The following ATF7IP variants were observed in gnomAD, a reference collection of about 807,000 sequenced individuals.
ATF7IP encodes the protein activating transcription factor 7-interacting protein 1.
A neutral mutation model predicts 106.4 loss-of-function variants in ATF7IP; 23 were observed. The ratio of observed to expected loss-of-function variants is 0.22; its 90% CI spans 0.16 to 0.31. The LOEUF is 0.31. Ranked by LOEUF, ATF7IP falls within the 10% of genes least tolerant of loss-of-function variation. The pLI is 1.00. For synonymous variants in ATF7IP, 542 were observed against 539.0 expected (o/e 1.01, Z -0.08); for missense variants, 1,334 against 1,524.3 (o/e 0.88, Z 2.08).
At chr12:14,368,956 CTT>C (rs541432650) in intron 1 of ATF7IP, among the ~76,000 whole-genome samples, 4 of 144,896 alleles carry the variant, frequency 2.8e-5, no homozygotes, top group Non-Finnish European at 1.5e-5. Flanking sequence ...TACTGCCCCC[CTT>C]TTTTTTTTTG....
chr12:14,463,022 A>G (rs186715997), intron 9 of ATF7IP, among the ~76,000 whole-genome samples: 1 of 152,130 alleles, frequency 6.6e-6, no homozygotes, highest in East Asian at 1.9e-4. Flanking sequence ...TTATTAATAA[A>G]TTATTACTTA....
At chr12:14,394,066 T>G (rs1051674837) in intron 1 of ATF7IP, among the ~76,000 whole-genome samples, 2 of 152,220 alleles carry the variant, frequency 1.3e-5, no homozygotes, top group Admixed American at 6.5e-5. Context: ...GTAAATGTGT[T>G]GAATTATTTA....
chr12:14,427,554 C>T (rs1051503911), intron 2 of ATF7IP, among the ~76,000 whole-genome samples: 3 of 151,874 alleles, frequency 2.0e-5, no homozygotes, highest in Non-Finnish European at 4.4e-5. Flanking sequence ...TTAGTAGAGT[C>T]GGGGTTTCAT....
chr12:14,427,399 G>A (rs552098038), intron 2 of ATF7IP, among the ~76,000 whole-genome samples: 23 of 150,986 alleles, frequency 1.5e-4, no homozygotes, highest in Admixed American at 7.9e-4. Context: ...GTCTCGCTCT[G>A]TTGCCCCGGC....
At chr12:14,367,800 C>T (rs1030116560) in intron 1 of ATF7IP, among the ~76,000 whole-genome samples, 17 of 152,038 alleles carry the variant, frequency 1.1e-4, no homozygotes, top group African/African-American at 3.9e-4. Context: ...ATCATGTAAA[C>T]TTAATAAGAT....
chr12:14,385,538 C>T, intron 1 of ATF7IP: 1 of 708,234 alleles, frequency 1.4e-6, no homozygotes, highest in Non-Finnish European at 2.3e-6. Context: ...AACCTTTAAG[C>T]CTTTATTATG....
chr12:14,449,949 C>A (rs951138033), intron 6 of ATF7IP, among the ~76,000 whole-genome samples: 15 of 151,902 alleles, frequency 9.9e-5, no homozygotes, highest in Middle Eastern at 3.4e-3. Context: ...CTTTTCGATG[C>A]TATTATAAAT....
At chr12:14,378,543 C>G (rs1352912781) in intron 1 of ATF7IP, among the ~76,000 whole-genome samples, 1 of 152,042 alleles carries the variant, frequency 6.6e-6, no homozygotes, top group Non-Finnish European at 1.5e-5. Context: ...TAAAGTATAC[C>G]TTAAGTTGGG....
intron 13 of ATF7IP, among the ~76,000 whole-genome samples, chr12:14,495,706 C>T (rs1944991025): frequency 6.6e-6 from 1 of 152,192 alleles, no homozygotes; most frequent in Non-Finnish European, 1.5e-5. Flanking sequence ...CTCATTAATA[C>T]ATGGCAAGGA....
At chr12:14,434,166 A>AT (rs1184425995) in intron 2 of ATF7IP, among the ~76,000 whole-genome samples, 171 bp from the exon 3 acceptor site, 4 of 152,196 alleles carry the variant, frequency 2.6e-5, no homozygotes, top group African/African-American at 9.7e-5. Flanking sequence ...GGACGTGGTC[A>AT]TTCATTCGAT....
intron 10 of ATF7IP, among the ~76,000 whole-genome samples, chr12:14,473,333 A>T (rs1368289517): frequency 3.1e-5 from 3 of 97,178 alleles, no homozygotes; most frequent in Admixed American, 1.2e-4. Flanking sequence ...TGTGTGTTTT[A>T]GGGGTTGTTC....
chr12:14,434,430 A>G lies in ATF7IP; in HGVS notation c.1645+7A>G. 2 of 1,422,958 alleles carry G rather than the reference A, an allele frequency of 1.4e-6. No homozygotes were observed. The highest frequency in any genetic ancestry group is 2.0e-6 in the Non-Finnish European group (2 of 1,012,946). 88.1% of individuals were successfully genotyped at this position (1,422,958 alleles called of 1,614,324 possible). On this transcript the variant is annotated splice_region_variant and intron_variant, in intron 3 of 14. Transcript: ENST00000261168. ...GAAAGACCTTCTGAGAAAAGTATGC[A>G]TGTATAAACAAACTTGAACTGGATT... is the stretch of plus-strand genomic sequence containing the variant.
chr12:14,400,947 T>A (rs1042714815), intron 1 of ATF7IP, among the ~76,000 whole-genome samples: 37 of 152,110 alleles, frequency 2.4e-4, no homozygotes, highest in South Asian at 4.2e-4. Context: ...CGTTTCTGTA[T>A]TTTTTTTCCA....
At chr12:14,383,854 G>C (rs1466468120) in intron 1 of ATF7IP, among the ~76,000 whole-genome samples, 1 of 152,154 alleles carries the variant, frequency 6.6e-6, no homozygotes, top group African/African-American at 2.4e-5. Context: ...GAAGCACTGT[G>C]CTTGGCCTAA....
At chr12:14,370,914 T>C (rs1428891102) in intron 1 of ATF7IP, among the ~76,000 whole-genome samples, 1 of 152,020 alleles carries the variant, frequency 6.6e-6, no homozygotes, top group African/African-American at 2.4e-5. Context: ...TTTTTTTTTT[T>C]TTGATGGAGG....
intron 1 of ATF7IP, among the ~76,000 whole-genome samples, chr12:14,378,417 A>G (rs900012095): frequency 5.3e-5 from 8 of 152,112 alleles, no homozygotes; most frequent in Admixed American, 4.6e-4. Flanking sequence ...GTATTTTTCT[A>G]CAGAATCATT....
chr12:14,493,992 GTAT>G (rs1476022977), intron 13 of ATF7IP, among the ~76,000 whole-genome samples: 1 of 151,850 alleles, frequency 6.6e-6, no homozygotes, highest in Non-Finnish European at 1.5e-5. Context: ...ATGGTCCAAG[GTAT>G]TATGTATAGA....
At chr12:14,378,855 A>G (rs1938880692) in intron 1 of ATF7IP, among the ~76,000 whole-genome samples, 1 of 152,240 alleles carries the variant, frequency 6.6e-6, no homozygotes, top group Admixed American at 6.5e-5. Flanking sequence ...TACAGTTACT[A>G]ATAATCTTTG....
chr12:14,424,103 A>G lies in ATF7IP; in HGVS notation c.188A>G (p.Asp63Gly). ...LDPTSPLENM[D>G]YIKDKEEVNG... ...CCAACCTCACCTTTGGAAAACATGGATTACATTAAAGACAAGGAAGAGGTG... is the reference window on the plus strand; with the variant it reads ...CCAACCTCACCTTTGGAAAACATGGGTTACATTAAAGACAAGGAAGAGGTG... The change falls in exon 2 of 15, where the codon GAT becomes GGT. Residue 63 changes from aspartate to glycine, a missense_variant. Asp to Gly is a moderately conservative substitution (Grantham distance 94, BLOSUM62 -1). Transcript: ENST00000261168. 1 of 1,614,218 alleles carries G rather than the reference A, an allele frequency of 6.2e-7. No individual in the cohort carries two copies. Among genetic ancestry groups the G allele is most frequent in the South Asian group, 1.1e-5 (1 of 91,086 alleles).
Sources: allele counts gnomAD v4.1 joint callset (sites outside exome capture counted in the v4.1 genomes callset), GRCh38; gene constraint gnomAD v4.1.1; transcripts MANE v1.5; gene names NCBI Gene and HGNC (gene_info 2026-07-23, HGNC 2026-07-21).